Variants in CDH23 observed in about 807,000 individuals in gnomAD.
CDH23 encodes the protein cadherin-23.
In CDH23, 189 loss-of-function variants were observed where a neutral mutation model predicts 317.1. That is an observed-to-expected ratio of 0.60 (90% CI 0.53 to 0.67). CDH23 has a LOEUF of 0.67. Among genes scored for constraint, CDH23 ranks in the 30% least tolerant of loss-of-function variants. CDH23 has a pLI of 0.00. For synonymous variants in CDH23, 1,839 were observed against 1,876.8 expected, an observed-to-expected ratio of 0.98 and a Z score of 0.52; for missense variants, 4,401 against 4,592.4, an observed-to-expected ratio of 0.96 and a Z score of 1.20.
chr10:71,688,671 T>C (rs1238356), intron 19 of CDH23, among the ~76,000 whole-genome samples: 26 of 52,818 alleles, frequency 4.9e-4, no homozygotes, highest in South Asian at 8.7e-4. Context: ...GGTGGTGGAG[T>C]CAGGGGTGGT....
chr10:71,403,318 CCTTCCTTCCTTTCTTT>C, intron 1 of CDH23, among the ~76,000 whole-genome samples: 1 of 91,220 alleles, frequency 1.1e-5, no homozygotes, highest in Non-Finnish European at 1.9e-5. Flanking sequence ...TCTCTTTCTT[CCTTCCTTCCTTTCTTT>C]CTTTCTTTCT....
At chr10:71,784,544 G>A in intron 42 of CDH23, 124 bp downstream of exon 42, 1 of 1,332,646 alleles carries the variant, frequency 7.5e-7, no homozygotes, top group Non-Finnish European at 1.0e-6. Flanking sequence ...GCCAGGCCAG[G>A]CCTGCCCCTG....
At chr10:71,672,016 A>G (rs1265057197) in intron 14 of CDH23, among the ~76,000 whole-genome samples, 4 of 151,832 alleles carry the variant, frequency 2.6e-5, no homozygotes, top group African/African-American at 9.7e-5. Context: ...GGACCCCATG[A>G]CCCCACGCTG....
chr10:71,745,277 A>G (rs1447868185), intron 38 of CDH23, among the ~76,000 whole-genome samples: 1 of 152,200 alleles, frequency 6.6e-6, no homozygotes, highest in African/African-American at 2.4e-5. Context: ...ACCTGGGCCG[A>G]GTCTTGTTGG....
At chr10:71,509,282 A>G (rs1301532694) in intron 3 of CDH23, among the ~76,000 whole-genome samples, 1 of 152,230 alleles carries the variant, frequency 6.6e-6, no homozygotes, top group African/African-American at 2.4e-5. Context: ...AGTATTCTGA[A>G]TTAGAGAAGG....
In CDH23 at chr10:71,687,502, C is replaced by A. The variant is rs1043334752; in HGVS notation, c.1987-145C>A. The A allele has an allele frequency of 1.1e-5, 8 of 716,056 alleles. No individual in the cohort carries two copies. The South Asian group carries it at 1.2e-4, about 11-fold the overall frequency. 44.4% of individuals were successfully genotyped at this position (716,056 alleles called of 1,614,324 possible). ...AGGGTTACCTGACTCCCTGCTGACA[C>A]CTCACCTGGCTCTGGTTATACGGAG... On this transcript the variant is annotated intron_variant, in intron 18 of 69. Coordinates refer to ENST00000224721, the MANE Select transcript of CDH23 (RefSeq NM_022124.6).
At chr10:71,529,939 A>T (rs1239541179) in intron 6 of CDH23, among the ~76,000 whole-genome samples, 1 of 149,520 alleles carries the variant, frequency 6.7e-6, no homozygotes, top group African/African-American at 2.5e-5. Flanking sequence ...TGACCCACCC[A>T]CCCCAGCCTG....
chr10:71,579,327 C>A (rs937734603), intron 9 of CDH23, among the ~76,000 whole-genome samples: 1 of 152,134 alleles, frequency 6.6e-6, no homozygotes, highest in Non-Finnish European at 1.5e-5. Flanking sequence ...CAGAGCAACT[C>A]CCAGCCCAGC....
intron 28 of CDH23, chr10:71,715,837 G>C: frequency 8.2e-7 from 1 of 1,221,532 alleles, no homozygotes; most frequent in Admixed American, 3.4e-5. Flanking sequence ...CAGACTGCTT[G>C]GGCCACTGTC....
chr10:71,578,255 C>A (rs528623945), intron 9 of CDH23, among the ~76,000 whole-genome samples: 1 of 152,174 alleles, frequency 6.6e-6, no homozygotes, highest in Admixed American at 6.5e-5. Flanking sequence ...GGGGGGTGGG[C>A]GCGTGTGCCG....
chr10:71,519,824 C>A (rs1330023103), intron 6 of CDH23, among the ~76,000 whole-genome samples: 2 of 151,416 alleles, frequency 1.3e-5, no homozygotes, highest in Non-Finnish European at 2.9e-5. Context: ...CACTCTGTCA[C>A]CCAGGCTGGA....
chr10:71,583,764 T>C (rs1858826002), intron 9 of CDH23, among the ~76,000 whole-genome samples: 1 of 152,174 alleles, frequency 6.6e-6, no homozygotes, highest in Non-Finnish European at 1.5e-5. Flanking sequence ...AGGCACTGCC[T>C]GGACACAAGT....
chr10:71,715,926 G>A (rs765693634), intron 28 of CDH23: 4 of 1,450,460 alleles, frequency 2.8e-6, no homozygotes, highest in South Asian at 2.9e-5. Flanking sequence ...GCATGTTTGT[G>A]GACACCCCAT....
intron 14 of CDH23, among the ~76,000 whole-genome samples, chr10:71,660,220 A>G (rs780320047): frequency 6.6e-6 from 1 of 151,884 alleles, no homozygotes; most frequent in African/African-American, 2.4e-5. Flanking sequence ...CGGCCTCCCA[A>G]AGTGAGTGAG....
intron 53 of CDH23, among the ~76,000 whole-genome samples, chr10:71,801,944 G>A (rs1357592592): frequency 6.6e-6 from 1 of 152,236 alleles, no homozygotes; most frequent in Admixed American, 6.5e-5. Context: ...GCAAAGGAGG[G>A]TGCAGATGTG....
Position 71,511,526 on chromosome 10 carries a change from C to T in CDH23, c.429+314C>T, listed in dbSNP as rs74720736. 6.7e-3 allele frequency among the ~76,000 whole-genome samples: 990 copies of T among 147,366 alleles called. 7 individuals are homozygous for T. Among genetic ancestry groups the T allele is most frequent in the Non-Finnish European group, 1.0e-2 (665 of 66,656 alleles). On this transcript the variant is annotated intron_variant, in intron 6 of 69. Coordinates refer to ENST00000224721, the MANE Select transcript of CDH23 (RefSeq NM_022124.6). Reference sequence around the variant, plus strand: ...AGGTGTTGCACCCTCTTTCCTTCCACTCGTATCCAAATGTGGGCCTGGGCA... The same window carrying T: ...AGGTGTTGCACCCTCTTTCCTTCCATTCGTATCCAAATGTGGGCCTGGGCA...
intron 50 of CDH23, 68 bp downstream of exon 50, chr10:71,798,646 G>C (rs1460671824): frequency 2.4e-6 from 3 of 1,261,280 alleles, no homozygotes; most frequent in East Asian, 5.1e-5. Context: ...CCCCAAGAGA[G>C]ACCACAGCCC....
intron 9 of CDH23, among the ~76,000 whole-genome samples, chr10:71,608,170 G>C (rs911178958): frequency 2.6e-5 from 4 of 152,212 alleles, no homozygotes; most frequent in African/African-American, 9.7e-5. Context: ...CATCCTGCGA[G>C]TTCATGCTCA....
At chr10:71,746,364 C>T (rs1031031362) in intron 38 of CDH23, among the ~76,000 whole-genome samples, 2 of 152,246 alleles carry the variant, frequency 1.3e-5, no homozygotes, top group African/African-American at 4.8e-5. Context: ...CCCCCAGGTT[C>T]CTGAGAGCTG....
Sources: allele counts gnomAD v4.1 joint callset (sites outside exome capture counted in the v4.1 genomes callset), GRCh38; gene constraint gnomAD v4.1.1; transcripts MANE v1.5; gene names NCBI Gene and HGNC (gene_info 2026-07-23, HGNC 2026-07-21).